CDH12: variants seen among roughly 807,000 people sequenced by gnomAD.
The protein encoded by CDH12 is cadherin-12.
CDH12 carries 41 observed loss-of-function variants against 74.1 expected under a neutral mutation model. The ratio of observed to expected loss-of-function variants is 0.55; its 90% confidence interval spans 0.43 to 0.72. CDH12 has a LOEUF of 0.72. Ranked by LOEUF, CDH12 falls within the 30% of genes least tolerant of loss-of-function variation. The pLI is 0.00. For missense variants in CDH12, 945 were observed against 977.2 expected (o/e 0.97, Z 0.44); for synonymous variants, 399 against 355.0 (o/e 1.12, Z -1.39).
chr5:21,811,168 A>C (rs1006534393), intron 9 of CDH12, among the ~76,000 whole-genome samples: 1 of 152,112 alleles, frequency 6.6e-6, no homozygotes, highest in Non-Finnish European at 1.5e-5. Flanking sequence ...TAACATCAAA[A>C]TGGTAAGCAC....
intron 4 of CDH12, among the ~76,000 whole-genome samples, chr5:22,106,981 T>A (rs919898843): frequency 1.3e-5 from 2 of 152,122 alleles, no homozygotes; most frequent in Admixed American, 6.5e-5. Flanking sequence ...AAGGAAGGTG[T>A]TTTTGTTCAT....
chr5:22,612,123 T>TTTAA (rs1231138479), intron 1 of CDH12, among the ~76,000 whole-genome samples: 3 of 152,172 alleles, frequency 2.0e-5, no homozygotes, highest in Non-Finnish European at 4.4e-5. Flanking sequence ...GACTTGCTAA[T>TTTAA]TTAAATAGCC....
chr5:22,326,079 T>C (rs918233702), intron 3 of CDH12, among the ~76,000 whole-genome samples: 2 of 152,190 alleles, frequency 1.3e-5, no homozygotes, highest in African/African-American at 2.4e-5. Flanking sequence ...CTGTGAAATA[T>C]TGTATTATTC....
chr5:21,845,249 T>A (rs902672839), intron 7 of CDH12, among the ~76,000 whole-genome samples: 1 of 152,164 alleles, frequency 6.6e-6, no homozygotes, highest in Non-Finnish European at 1.5e-5. Flanking sequence ...GACAAGTTGG[T>A]AGGGGATCAT....
chr5:22,310,894 CCTT>C (rs1485641121), intron 3 of CDH12, among the ~76,000 whole-genome samples: 5 of 152,160 alleles, frequency 3.3e-5, no homozygotes, highest in African/African-American at 9.7e-5. Context: ...CTCAGATGGT[CCTT>C]CTTACCCAGT....
rs10041676 is a variant in CDH12 at position 21,883,132 on chromosome 5, A to C, written c.527-28342T>G. 2.3e-3 allele frequency: 3,651 copies of C among 1,565,778 alleles called. 35 individuals are homozygous for C. The African/African-American group carries it at 0.031, about 13-fold the overall frequency. On this transcript the variant is annotated intron_variant, in intron 6 of 14. Coordinates refer to ENST00000382254, the MANE Select transcript of CDH12 (RefSeq NM_004061.5). ...ATGATTTCTGCAAATGGAGACAAAG[A>C]AATTGGCAATATCATCTCTGATGCA...
At chr5:22,143,902 G>A (rs982351209) in intron 4 of CDH12, 9 of 151,968 alleles carry the variant, frequency 5.9e-5, no homozygotes, top group African/African-American at 2.2e-4. Context: ...GGATTTGTAA[G>A]AAACATTTAA....
At chr5:22,307,179 C>G (rs1440453200) in intron 3 of CDH12, among the ~76,000 whole-genome samples, 1 of 152,144 alleles carries the variant, frequency 6.6e-6, no homozygotes, top group Non-Finnish European at 1.5e-5. Context: ...GATTATAACT[C>G]TACCCCACTT....
chr5:22,485,867 T>A (rs2126632008), intron 2 of CDH12, among the ~76,000 whole-genome samples: 1 of 152,360 alleles, frequency 6.6e-6, no homozygotes. Flanking sequence ...TTCTAATGTT[T>A]TTATTAAGAA....
At chr5:21,912,550 A>C (rs988174338) in intron 6 of CDH12, among the ~76,000 whole-genome samples, 1 of 152,200 alleles carries the variant, frequency 6.6e-6, no homozygotes, top group African/African-American at 2.4e-5. Flanking sequence ...CCAGTCTGCC[A>C]CACATGAGAC....
intron 1 of CDH12, among the ~76,000 whole-genome samples, chr5:22,818,625 G>A (rs550727100): frequency 1.3e-5 from 2 of 152,260 alleles, no homozygotes; most frequent in South Asian, 2.1e-4. Flanking sequence ...TTCTGCTTAA[G>A]TATGTCATAC....
chr5:22,121,227 T>A (rs558268917), intron 4 of CDH12, among the ~76,000 whole-genome samples: 19 of 152,322 alleles, frequency 1.2e-4, no homozygotes, highest in Admixed American at 5.9e-4. Flanking sequence ...TGTTTCAGAT[T>A]CTCATTTCAA....
chr5:22,751,915 T>C (rs953484768), intron 1 of CDH12, among the ~76,000 whole-genome samples: 2 of 152,116 alleles, frequency 1.3e-5, no homozygotes, highest in Non-Finnish European at 2.9e-5. Flanking sequence ...AAACATCTAT[T>C]TCGGCAGTAT....
At chr5:22,112,976 C>T (rs1472156488) in intron 4 of CDH12, among the ~76,000 whole-genome samples, 2 of 152,014 alleles carry the variant, frequency 1.3e-5, no homozygotes, top group African/African-American at 4.8e-5. Context: ...CAAGCATGGT[C>T]GTAGTTATTT....
At chr5:22,399,600 G>A (rs1440846820) in intron 3 of CDH12, among the ~76,000 whole-genome samples, 1 of 152,024 alleles carries the variant, frequency 6.6e-6, no homozygotes, top group Non-Finnish European at 1.5e-5. Context: ...AGAGAACAAT[G>A]AAAAAGGTAA....
At chr5:22,778,407 G>T (rs1445734765) in intron 1 of CDH12, among the ~76,000 whole-genome samples, 1 of 152,108 alleles carries the variant, frequency 6.6e-6, no homozygotes, top group Non-Finnish European at 1.5e-5. Flanking sequence ...ATAAAAGAAA[G>T]TGAGGAAAGA....
chr5:21,851,358 C>T (rs1750457287), intron 7 of CDH12, among the ~76,000 whole-genome samples: 1 of 150,632 alleles, frequency 6.6e-6, no homozygotes, highest in African/African-American at 2.4e-5. Flanking sequence ...GTTCAGCATC[C>T]TGATTTCAAT....
chr5:22,436,187 C>A (rs1744380262), intron 2 of CDH12, among the ~76,000 whole-genome samples: 1 of 147,776 alleles, frequency 6.8e-6, no homozygotes, highest in East Asian at 2.0e-4. Flanking sequence ...CCAAACACCA[C>A]ATGTTCTCAC....
rs958151751 is a variant in CDH12 at position 22,842,404 on chromosome 5, C to T, written c.-523+10654G>A. Reference sequence around the variant, plus strand: ...TGTAGTGTCTGAGAGGAGGGATTTACGATCCAATACATGGCTGCCCATGAA... The same window carrying T: ...TGTAGTGTCTGAGAGGAGGGATTTATGATCCAATACATGGCTGCCCATGAA... On this transcript the variant is annotated intron_variant, in intron 1 of 14. Coordinates refer to ENST00000382254, the MANE Select transcript of CDH12 (RefSeq NM_004061.5). Among the ~76,000 whole-genome samples the T allele has an allele frequency of 8.7e-4, 133 of 152,192 alleles. 1 individual carries two copies. The highest frequency in any genetic ancestry group is 7.7e-3 in the South Asian group (37 of 4,814).
Sources: gnomAD v4.1 joint callset for allele counts (sites outside exome capture counted in the v4.1 genomes callset) on GRCh38, gnomAD v4.1.1 for gene constraint, MANE v1.5 for transcripts, NCBI Gene and HGNC (gene_info 2026-07-23, HGNC 2026-07-21) for gene names.